Variants in PLB1 observed in about 807,000 individuals in gnomAD.
PLB1 encodes the protein phospholipase B1, membrane-associated.
In PLB1, 242 loss-of-function variants were observed where a neutral mutation model predicts 227.4. The ratio of observed to expected loss-of-function variants is 1.06; its 90% CI spans 0.96 to 1.18. The LOEUF is 1.18. PLB1 is among the 50% of genes most tolerant of loss of function. The pLI is 0.00. For synonymous variants in PLB1, 757 were observed against 682.2 expected (o/e 1.11, Z -1.71); for missense variants, 1,858 against 1,816.3 (o/e 1.02, Z -0.42).
intron 10 of PLB1, among the ~76,000 whole-genome samples, chr2:28,538,731 A>G (rs1010643918): frequency 6.6e-6 from 1 of 152,282 alleles, no homozygotes; most frequent in East Asian, 1.9e-4. Flanking sequence ...ATGCTGCTGC[A>G]GGGTCTGAGA....
chr2:28,599,598 T>C (rs1427740185), intron 35 of PLB1, among the ~76,000 whole-genome samples: 1 of 152,158 alleles, frequency 6.6e-6, no homozygotes, highest in Non-Finnish European at 1.5e-5. Flanking sequence ...ACGCCTGAAA[T>C]CTATTCCTTC....
Position 28,628,982 on chromosome 2 carries a change from C to T in PLB1, c.3727-112C>T, listed in dbSNP as rs868003023. On this transcript the variant is annotated intron_variant, in intron 52 of 57. Transcript: ENST00000327757. ...CAAGTTGCATCCCCTCTCTGGGCCT[C>T]AGTTTCTTCATTGGTAAAATTGAGG... 26 of 854,402 alleles carry T rather than the reference C, an allele frequency of 3.0e-5. 1 individual carries two copies. In the Middle Eastern group the frequency reaches 5.5e-3, roughly 181 times the overall value. 52.9% of individuals were successfully genotyped at this position (854,402 alleles called of 1,614,324 possible). A position where few individuals can be genotyped will look rare whatever the true frequency, so the allele number is the denominator to read the frequency against.
chr2:28,557,778 G>C (rs1411728981), intron 17 of PLB1, among the ~76,000 whole-genome samples: 4 of 152,180 alleles, frequency 2.6e-5, no homozygotes, highest in African/African-American at 9.7e-5. Flanking sequence ...TCACTAAATA[G>C]TTCTTTTTCC....
At chr2:28,622,449 A>G (rs1687171126) in intron 49 of PLB1, among the ~76,000 whole-genome samples, 1 of 152,246 alleles carries the variant, frequency 6.6e-6, no homozygotes, top group Non-Finnish European at 1.5e-5. Context: ...ACCCACCAAA[A>G]AAGCAGTACA....
intron 52 of PLB1, 53 bp downstream of exon 52, chr2:28,628,681 C>T: frequency 6.5e-7 from 1 of 1,546,888 alleles, no homozygotes; most frequent in Non-Finnish European, 8.9e-7. Context: ...CCCTGGGATG[C>T]ATGTAGGCAG....
Position 28,525,210 on chromosome 2 carries a change from T to C in PLB1, c.244-57T>C, listed in dbSNP as rs1670073425. Reference sequence around the variant, plus strand: ...TCTGACAGGCAGCTTGCGGTCTAACTAGAAGAGGCTCTGCCACCTCCCCTG... The same window carrying C: ...TCTGACAGGCAGCTTGCGGTCTAACCAGAAGAGGCTCTGCCACCTCCCCTG... On this transcript the variant is annotated intron_variant, in intron 4 of 57. Transcript: ENST00000327757. 7.7e-6 allele frequency: 12 copies of C among 1,554,472 alleles called. No homozygotes were observed. The South Asian group carries it at 1.0e-4, about 13-fold the overall frequency.
chr2:28,510,859 C>T (rs1427860627), intron 1 of PLB1, among the ~76,000 whole-genome samples: 2 of 151,270 alleles, frequency 1.3e-5, no homozygotes, highest in African/African-American at 4.9e-5. Flanking sequence ...AATTCCTGGG[C>T]TGGAGTAATC....
rs188759757 is a variant in PLB1, at chr2:28,567,719, G to A, written c.1324+880G>A. On this transcript the variant is annotated intron_variant, in intron 20 of 57. Coordinates refer to ENST00000327757, the MANE Select transcript of PLB1 (RefSeq NM_153021.5). ...GATTTCCTGACTTCGTGATCTGCCC[G>A]CCTTGGCCTCCCAAAGTGCTGGGAT... is the stretch of plus-strand genomic sequence containing the variant. Among the ~76,000 whole-genome samples, 1,054 of 152,106 alleles carry A rather than the reference G, an allele frequency of 6.9e-3. 7 individuals carry two copies. The highest frequency in any genetic ancestry group is 0.014 in the Middle Eastern group (4 of 294).
chr2:28,579,808 C>A, intron 23 of PLB1, 101 bp downstream of exon 23: 2 of 997,396 alleles, frequency 2.0e-6, no homozygotes, highest in East Asian at 2.5e-5. Flanking sequence ...AGTTGGGACT[C>A]AGGCTCATGG....
intron 17 of PLB1, among the ~76,000 whole-genome samples, chr2:28,562,472 G>A (rs1676195906): frequency 7.5e-6 from 1 of 133,142 alleles, no homozygotes; most frequent in Admixed American, 8.3e-5. Context: ...AACCTGGGAG[G>A]CGGAGGTTGT....
chr2:28,598,090 C>T, intron 34 of PLB1, 42 bp downstream of exon 34: 1 of 1,550,540 alleles, frequency 6.4e-7, no homozygotes, highest in East Asian at 2.3e-5. Context: ...ACTGTTCCAC[C>T]CATCTGGCCC....
intron 1 of PLB1, among the ~76,000 whole-genome samples, chr2:28,503,052 G>A (rs1667274039): frequency 6.6e-6 from 1 of 151,838 alleles, no homozygotes; most frequent in Non-Finnish European, 1.5e-5. Flanking sequence ...AATACCTGTA[G>A]CTTCTGTAGT....
chr2:28,532,252 A>G, intron 9 of PLB1, 58 bp downstream of exon 9: 1 of 1,406,634 alleles, frequency 7.1e-7, no homozygotes, highest in South Asian at 1.2e-5. Context: ...GAGGGAGTGA[A>G]CTAAACCTGC....
intron 46 of PLB1, 87 bp downstream of exon 46, chr2:28,618,486 G>A (rs905177335): frequency 5.3e-5 from 72 of 1,367,542 alleles, no homozygotes; most frequent in Non-Finnish European, 6.8e-5. Context: ...CATTGGCTCC[G>A]CTTTCAGTGC....
chr2:28,529,228 A>T (rs1373468870), intron 6 of PLB1, 89 bp from the exon 7 acceptor site: 5 of 860,600 alleles, frequency 5.8e-6, no homozygotes, highest in Non-Finnish European at 9.6e-6. Context: ...TATAGGCATG[A>T]GCCACCACTC....
intron 31 of PLB1, 31 bp downstream of exon 31, chr2:28,591,791 G>A (rs1281286816): frequency 3.1e-6 from 5 of 1,609,524 alleles, no homozygotes; most frequent in Middle Eastern, 1.6e-4. Context: ...CAGGACCCAG[G>A]GCCCCTCCAC....
chr2:28,610,938 G>T (rs181576771), intron 43 of PLB1, among the ~76,000 whole-genome samples: 4 of 152,094 alleles, frequency 2.6e-5, no homozygotes, highest in African/African-American at 9.7e-5. Flanking sequence ...AGCCAGTCAG[G>T]CTCAATCAAA....
chr2:28,638,457 T>C (rs1053290408), intron 56 of PLB1, among the ~76,000 whole-genome samples: 1 of 152,024 alleles, frequency 6.6e-6, no homozygotes, highest in Middle Eastern at 3.2e-3. Flanking sequence ...AGTGATATGC[T>C]CTGGCTTACC....
At chr2:28,617,859 A>G (rs1686419981) in intron 45 of PLB1, 72 bp downstream of exon 45, 3 of 1,433,502 alleles carry the variant, frequency 2.1e-6, no homozygotes, top group Non-Finnish European at 3.0e-6. Context: ...AGACCCTGCA[A>G]ACATACCCTG....
Sources: gnomAD v4.1 joint callset for allele counts (sites outside exome capture counted in the v4.1 genomes callset) on GRCh38, gnomAD v4.1.1 for gene constraint, MANE v1.5 for transcripts, NCBI Gene and HGNC (gene_info 2026-07-23, HGNC 2026-07-21) for gene names.